FBXL22: variants seen among roughly 807,000 people sequenced by gnomAD.
FBXL22 encodes F-box and leucine-rich protein 22.
FBXL22 carries 13 observed loss-of-function variants against 11.7 expected under a neutral mutation model. That is an observed-to-expected ratio of 1.11 (90% confidence interval 0.73 to 1.77). The LOEUF is 1.77. Among genes scored for constraint, FBXL22 ranks in the 40% most tolerant of loss-of-function variants. FBXL22 has a pLI of 0.00. For missense variants in FBXL22, 406 were observed against 320.4 expected, an observed-to-expected ratio of 1.27 and a Z score of -2.04; for synonymous variants, 160 against 144.1, an observed-to-expected ratio of 1.11 and a Z score of -0.79.
chr15:63,602,943 ATTCTC>A (rs1304172480), downstream of FBXL22, among the ~76,000 whole-genome samples: 5 of 152,294 alleles, frequency 3.3e-5, no homozygotes, highest in East Asian at 5.8e-4. Flanking sequence ...CTTTTTTCCC[ATTCTC>A]TTGAGTTTCA....
At chr15:63,601,393 C>A, downstream of FBXL22, 1 of 1,600,450 alleles carries the variant, frequency 6.2e-7, no homozygotes. Flanking sequence ...GTGGGGAGGA[C>A]CTGACCACTC....
chr15:63,603,212 C>A (rs1385977986), downstream of FBXL22, among the ~76,000 whole-genome samples: 7 of 152,100 alleles, frequency 4.6e-5, no homozygotes, highest in African/African-American at 1.7e-4. Flanking sequence ...TAATGTCAAT[C>A]CGAGGTCCAG....
chr15:63,603,532 A>G (rs543584858), downstream of FBXL22, among the ~76,000 whole-genome samples: 43 of 152,312 alleles, frequency 2.8e-4, no homozygotes, highest in South Asian at 7.5e-3. Context: ...GGAAGAAATG[A>G]GAGATGAAGG....
the FBXL22 span, among the ~76,000 whole-genome samples, chr15:63,608,253 G>C: frequency 6.6e-6 from 1 of 152,166 alleles, no homozygotes; most frequent in Non-Finnish European, 1.5e-5. Context: ...CATTACTGTG[G>C]TCCTCTTCCT....
intron 1 of FBXL22, chr15:63,600,357 A>C: frequency 9.2e-7 from 1 of 1,088,812 alleles, no homozygotes; most frequent in Non-Finnish European, 1.1e-6. Context: ...AGAGCGAAAC[A>C]AAGAGTCAAG....
chr15:63,604,976 C>T (rs1338637207), downstream of FBXL22, among the ~76,000 whole-genome samples: 2 of 152,040 alleles, frequency 1.3e-5, no homozygotes, highest in Non-Finnish European at 2.9e-5. Flanking sequence ...CGCTTGAACC[C>T]GGGAGACAGT....
At chr15:63,599,362 C>T (rs2067327035) in intron 1 of FBXL22, 6 of 1,433,038 alleles carry the variant, frequency 4.2e-6, no homozygotes, top group Non-Finnish European at 5.5e-6. Flanking sequence ...ACCTTTGAGG[C>T]TTAAACACCT....
downstream of FBXL22, among the ~76,000 whole-genome samples, chr15:63,604,285 G>A (rs2067403180): frequency 6.6e-6 from 1 of 152,156 alleles, no homozygotes; most frequent in South Asian, 2.1e-4. Context: ...GGTCACTATA[G>A]GTTGAGCTAG....
chr15:63,602,967 C>T (rs752628858), downstream of FBXL22, among the ~76,000 whole-genome samples: 24 of 152,208 alleles, frequency 1.6e-4, no homozygotes, highest in Non-Finnish European at 1.8e-4. Context: ...CAAGATATAA[C>T]CTTGAGGAAA....
chr15:63,601,412 C>A, downstream of FBXL22: 1 of 1,591,796 alleles, frequency 6.3e-7, no homozygotes, highest in Non-Finnish European at 8.6e-7. Flanking sequence ...TCGGAGTTCG[C>A]CGACTTGCGC....
rs2067366401 is a variant in FBXL22 at position 63,601,231 on chromosome 15, T to C, written c.*192T>C. The C allele has an allele frequency of 6.7e-7, 1 of 1,498,288 alleles. No individual in the cohort carries two copies. The highest frequency in any genetic ancestry group is 1.3e-5 in the South Asian group (1 of 76,586). 92.8% of individuals were successfully genotyped at this position (1,498,288 alleles called of 1,614,324 possible). On this transcript the variant is annotated 3_prime_UTR_variant, in exon 2 of 2. Coordinates refer to ENST00000638704, the MANE Select transcript of FBXL22 (RefSeq NM_001367807.1). ...GGATAAACGCAAGATTAAATGGATA[T>C]TTGGAAAACACTCGGCTGGTTCTCA...
downstream of FBXL22, among the ~76,000 whole-genome samples, chr15:63,605,402 G>C (rs761873704): frequency 6.6e-6 from 1 of 152,140 alleles, no homozygotes; most frequent in South Asian, 2.1e-4. Context: ...CATATCCTTG[G>C]GGGGCTAGAA....
chr15:63,608,025 A>G, the FBXL22 span, among the ~76,000 whole-genome samples: 1 of 152,246 alleles, frequency 6.6e-6, no homozygotes, highest in African/African-American at 2.4e-5. Context: ...ATTCAAGGAT[A>G]TGAAAGCCAC....
downstream of FBXL22, among the ~76,000 whole-genome samples, chr15:63,605,467 A>C (rs2067408640): frequency 6.6e-6 from 1 of 152,240 alleles, no homozygotes; most frequent in Admixed American, 6.5e-5. Flanking sequence ...GAAGCAAGCC[A>C]GGTCTATCTG....
At chr15:63,601,660 C>G (rs1331420854), downstream of FBXL22, 8 of 1,608,196 alleles carry the variant, frequency 5.0e-6, 1 homozygote, top group South Asian at 1.1e-5. Context: ...GCCCACCTTT[C>G]CTGGGGCGGA....
At chr15:63,598,187 G>T (rs750178178) in intron 1 of FBXL22, among the ~76,000 whole-genome samples, 2 of 152,158 alleles carry the variant, frequency 1.3e-5, no homozygotes, top group Non-Finnish European at 2.9e-5. Context: ...GGAGAAGCCA[G>T]GGTGCTCAGG....
chr15:63,604,675 C>T (rs1437019156), downstream of FBXL22, among the ~76,000 whole-genome samples: 1 of 152,194 alleles, frequency 6.6e-6, no homozygotes, highest in African/African-American at 2.4e-5. Flanking sequence ...TTGGAGCTTC[C>T]AGATAGCTAC....
chr15:63,601,577 AGCAGGGGC>A, downstream of FBXL22: 1 of 1,567,196 alleles, frequency 6.4e-7, no homozygotes. Flanking sequence ...GAGGAGGGGA[AGCAGGGGC>A]GCACGGGCAG....
downstream of FBXL22, among the ~76,000 whole-genome samples, chr15:63,603,641 A>T (rs933944095): frequency 1.3e-5 from 2 of 152,232 alleles, no homozygotes; most frequent in African/African-American, 4.8e-5. Flanking sequence ...CAGGCAGAAC[A>T]TGTGGACAGG....
Sources: gnomAD v4.1 joint callset for allele counts (sites outside exome capture counted in the v4.1 genomes callset) on GRCh38, gnomAD v4.1.1 for gene constraint, MANE v1.5 for transcripts, NCBI Gene and HGNC (gene_info 2026-07-23, HGNC 2026-07-21) for gene names.